The following CFAP299 variants were observed in gnomAD, a reference collection of about 807,000 sequenced individuals.
CFAP299 encodes cilia- and flagella-associated protein 299.
A neutral mutation model predicts 27.0 loss-of-function variants in CFAP299; 21 were observed. The ratio of observed to expected loss-of-function variants is 0.78; its 90% confidence interval spans 0.55 to 1.12. CFAP299 has a LOEUF of 1.12. CFAP299 is among the 50% of genes most tolerant of loss of function. The probability of loss-of-function intolerance (pLI) is 0.00; values close to 1 mark genes in which losing one functional copy is unlikely to be tolerated. For synonymous variants in CFAP299, 104 were observed against 98.1 expected, an observed-to-expected ratio of 1.06 and a Z score of -0.36; for missense variants, 310 against 276.6, an observed-to-expected ratio of 1.12 and a Z score of -0.86.
At chr4:80,710,488 T>TC (rs1334629455) in intron 3 of CFAP299, among the ~76,000 whole-genome samples, 4 of 110,930 alleles carry the variant, frequency 3.6e-5, no homozygotes, top group African/African-American at 8.1e-5. Flanking sequence ...TTTTTCTTTT[T>TC]TTTTTTTTTT....
chr4:80,959,404 A>G (rs1361195097), intron 5 of CFAP299, among the ~76,000 whole-genome samples: 3 of 152,128 alleles, frequency 2.0e-5, no homozygotes, highest in African/African-American at 7.2e-5. Context: ...TAGGCAAAAC[A>G]CTGCTACAAC....
chr4:80,522,216 TTTAA>T (rs925354262), intron 2 of CFAP299, among the ~76,000 whole-genome samples: 2 of 152,198 alleles, frequency 1.3e-5, no homozygotes, highest in Admixed American at 6.5e-5. Context: ...TGAGATTTTA[TTTAA>T]TTGTGGTTTT....
chr4:80,952,514 A>T (rs1343263927), intron 5 of CFAP299, among the ~76,000 whole-genome samples: 1 of 152,160 alleles, frequency 6.6e-6, no homozygotes, highest in Non-Finnish European at 1.5e-5. Flanking sequence ...TGTTAGGTGC[A>T]TGGGTAAATG....
chr4:80,860,747 C>T (rs561993044), intron 3 of CFAP299, among the ~76,000 whole-genome samples: 1 of 152,280 alleles, frequency 6.6e-6, no homozygotes, highest in East Asian at 1.9e-4. Context: ...GCGAATGTTG[C>T]TCTCTGATCG....
chr4:80,829,794 G>A (rs761874514), intron 3 of CFAP299, among the ~76,000 whole-genome samples: 16 of 151,912 alleles, frequency 1.1e-4, no homozygotes, highest in South Asian at 2.1e-4. Context: ...TGATCTTTAC[G>A]GACATTATGC....
At chr4:80,339,314 C>T (rs908339208) in intron 1 of CFAP299, among the ~76,000 whole-genome samples, 4 of 152,166 alleles carry the variant, frequency 2.6e-5, no homozygotes, top group African/African-American at 7.2e-5. Context: ...GTAAATAGTG[C>T]TTTTATTCTT....
At chr4:80,424,258 G>A (rs1361625465) in intron 2 of CFAP299, among the ~76,000 whole-genome samples, 1 of 152,236 alleles carries the variant, frequency 6.6e-6, no homozygotes, top group East Asian at 1.9e-4. Flanking sequence ...GTATGTGGAA[G>A]GCAAGGTTGC....
At chr4:80,798,515 C>T (rs1845184) in intron 3 of CFAP299, among the ~76,000 whole-genome samples, 42,266 of 151,946 alleles carry the variant, frequency 0.28, 7,567 homozygotes, top group African/African-American at 0.51. Context: ...ACTTTAACAG[C>T]AGACACCTGG....
At chr4:80,333,054 G>A (rs939963682), upstream of CFAP299, among the ~76,000 whole-genome samples, 1 of 152,170 alleles carries the variant, frequency 6.6e-6, no homozygotes, top group East Asian at 1.9e-4. Flanking sequence ...CCCCAGTCCT[G>A]GGAGGAATTC....
chr4:80,874,945 T>C (rs1265101515), intron 4 of CFAP299, among the ~76,000 whole-genome samples: 1 of 152,230 alleles, frequency 6.6e-6, no homozygotes, highest in Non-Finnish European at 1.5e-5. Flanking sequence ...TTAGTAATTA[T>C]TATTTCATGT....
At chr4:80,812,643 C>T (rs1390238432) in intron 3 of CFAP299, among the ~76,000 whole-genome samples, 2 of 152,036 alleles carry the variant, frequency 1.3e-5, no homozygotes, top group African/African-American at 2.4e-5. Context: ...GTGCAGACAA[C>T]CAAGGTGGTC....
chr4:80,380,422 ATTTTTTTTTT>A (rs10701207), intron 2 of CFAP299, among the ~76,000 whole-genome samples: 1 of 96,134 alleles, frequency 1.0e-5, no homozygotes, highest in Non-Finnish European at 1.9e-5. Context: ...TGTGTCTCAC[ATTTTTTTTTT>A]TTTTTTTTTT....
intron 2 of CFAP299, among the ~76,000 whole-genome samples, chr4:80,473,623 T>C (rs571837579): frequency 1.5e-4 from 23 of 152,184 alleles, no homozygotes; most frequent in Non-Finnish European, 3.2e-4. Flanking sequence ...CAAGCTGGAG[T>C]ACAGTGGTGC....
rs900247632 is a variant in CFAP299 at position 80,782,700 on chromosome 4, C to G, written c.334-87293C>G. Among the ~76,000 whole-genome samples the G allele has an allele frequency of 3.2e-4, 36 of 113,732 alleles. 1 individual carries two copies. Among genetic ancestry groups the G allele is most frequent in the Admixed American group, 2.8e-3 (32 of 11,340 alleles). The allele number at this position is 113,732 out of a possible 152,430, so 74.6% of individuals were successfully genotyped here. A position where few individuals can be genotyped will look rare whatever the true frequency, so the allele number is the denominator to read the frequency against. ...TACATATATGAATATATAATATATT[C>G]ATATATAATATACATATATGAATAT... is the stretch of plus-strand genomic sequence containing the variant. On this transcript the variant is annotated intron_variant, in intron 3 of 5. Transcript: ENST00000358105.
intron 2 of CFAP299, chr4:80,388,310 C>T (rs1725132540): frequency 5.8e-6 from 4 of 687,904 alleles, no homozygotes; most frequent in Non-Finnish European, 8.1e-6. Flanking sequence ...CAAGTCATTG[C>T]TTACCAAGAT....
chr4:80,595,168 T>C (rs572821452), intron 3 of CFAP299, among the ~76,000 whole-genome samples: 6 of 152,286 alleles, frequency 3.9e-5, no homozygotes, highest in African/African-American at 1.4e-4. Flanking sequence ...ACTTAACCCT[T>C]CTTACCTTCC....
chr4:80,348,688 T>C (rs1419243269), intron 1 of CFAP299, among the ~76,000 whole-genome samples: 1 of 152,178 alleles, frequency 6.6e-6, no homozygotes, highest in East Asian at 1.9e-4. Context: ...CTGTTCGACC[T>C]TCAGAACTGT....
At chr4:80,847,958 C>G (rs1256459835) in intron 3 of CFAP299, among the ~76,000 whole-genome samples, 2 of 152,168 alleles carry the variant, frequency 1.3e-5, no homozygotes, top group East Asian at 3.9e-4. Context: ...GCCTGCAATA[C>G]CAGCACTTTA....
chr4:80,836,228 A>G (rs1414658332), intron 3 of CFAP299, among the ~76,000 whole-genome samples: 1 of 152,204 alleles, frequency 6.6e-6, no homozygotes, highest in Non-Finnish European at 1.5e-5. Context: ...TTTCTAATAC[A>G]CATGTAAAGT....
Sources: allele counts gnomAD v4.1 joint callset (sites outside exome capture counted in the v4.1 genomes callset), GRCh38; gene constraint gnomAD v4.1.1; transcripts MANE v1.5; gene names NCBI Gene and HGNC (gene_info 2026-07-23, HGNC 2026-07-21).